Variants in TRMT11 observed in about 807,000 individuals in gnomAD.
The protein encoded by TRMT11 is tRNA methyltransferase 11.
In TRMT11, 53 loss-of-function variants were observed where a neutral mutation model predicts 62.8. The ratio of observed to expected loss-of-function variants is 0.84; its 90% CI spans 0.68 to 1.06. The LOEUF is 1.06. Among genes scored for constraint, TRMT11 ranks in the 50% least tolerant of loss-of-function variants. The pLI, the probability that TRMT11 is intolerant of heterozygous loss-of-function variation, is 0.00. For missense variants in TRMT11, 556 were observed against 553.4 expected (o/e 1.00, Z -0.05); for synonymous variants, 188 against 190.3 (o/e 0.99, Z 0.10).
intron 17 of TRMT11, among the ~76,000 whole-genome samples, chr6:126,077,215 A>C (rs572584921): frequency 5.3e-5 from 8 of 152,324 alleles, no homozygotes; most frequent in African/African-American, 1.9e-4. Flanking sequence ...CAATGGGCTG[A>C]TTAATTATTT....
At chr6:126,179,378 G>A (rs1302429204) in intron 1 of TRMT11, among the ~76,000 whole-genome samples, 2 of 152,146 alleles carry the variant, frequency 1.3e-5, no homozygotes, top group African/African-American at 4.8e-5. Context: ...GTTGGAAAGA[G>A]CATAGTTATA....
intron 17 of TRMT11, among the ~76,000 whole-genome samples, chr6:126,073,608 G>T (rs1776924697): frequency 6.6e-6 from 1 of 151,964 alleles, no homozygotes. Flanking sequence ...CATGTGACAT[G>T]AATATAAAAT....
intron 17 of TRMT11, among the ~76,000 whole-genome samples, chr6:126,102,343 AG>A (rs1404794035): frequency 6.6e-6 from 1 of 152,182 alleles, no homozygotes; most frequent in African/African-American, 2.4e-5. Context: ...CAAGACCTTA[AG>A]CAAAACACTT....
intron 21 of TRMT11, among the ~76,000 whole-genome samples, chr6:126,169,434 A>AG (rs1427265257): frequency 1.6e-4 from 25 of 152,240 alleles, no homozygotes; most frequent in Admixed American, 1.6e-3. Flanking sequence ...AATGGTGCTT[A>AG]GTGTTACCCA....
At chr6:126,158,431 G>A (rs7757001) in intron 21 of TRMT11, among the ~76,000 whole-genome samples, 48,947 of 152,036 alleles carry the variant, frequency 0.32, 9,157 homozygotes, top group African/African-American at 0.52. Context: ...CAATATCTTT[G>A]GCAATACTAG....
chr6:125,998,785 G>C, intron 6 of TRMT11, 101 bp downstream of exon 6: 1 of 1,114,256 alleles, frequency 9.0e-7, no homozygotes, highest in South Asian at 1.6e-5. Flanking sequence ...CAGCTGAAGA[G>C]TCAGAACTAC....
At chr6:126,076,655 TAAA>T (rs1777032435) in intron 17 of TRMT11, among the ~76,000 whole-genome samples, 1 of 152,192 alleles carries the variant, frequency 6.6e-6, no homozygotes, top group Non-Finnish European at 1.5e-5. Flanking sequence ...ACCCATTGCC[TAAA>T]AAAGTACTGA....
chr6:126,222,381 T>C, the TRMT11 span, among the ~76,000 whole-genome samples: 1 of 152,184 alleles, frequency 6.6e-6, no homozygotes, highest in Admixed American at 6.5e-5. Flanking sequence ...AAAAATAGCA[T>C]TGAATCTGTA....
At chr6:126,228,929 C>G in the TRMT11 span, among the ~76,000 whole-genome samples, 1 of 151,934 alleles carries the variant, frequency 6.6e-6, no homozygotes, top group Non-Finnish European at 1.5e-5. Context: ...TGGTCTGTTT[C>G]GATATTCAAA....
intron 21 of TRMT11, among the ~76,000 whole-genome samples, chr6:126,117,721 GAAAC>G (rs1425230125): frequency 1.3e-5 from 2 of 152,088 alleles, no homozygotes; most frequent in Admixed American, 6.6e-5. Flanking sequence ...GGAAAACAAG[GAAAC>G]AAACAAAGGC....
chr6:126,022,588 A>G (rs1392425193), intron 12 of TRMT11, among the ~76,000 whole-genome samples: 2 of 152,166 alleles, frequency 1.3e-5, no homozygotes, highest in Non-Finnish European at 2.9e-5. Flanking sequence ...CCGCTAGTTT[A>G]TATGTTGAAT....
At chr6:126,131,714 A>T (rs903786801) in intron 21 of TRMT11, among the ~76,000 whole-genome samples, 1 of 151,934 alleles carries the variant, frequency 6.6e-6, no homozygotes, top group Non-Finnish European at 1.5e-5. Context: ...AATTTATATA[A>T]TTTTTTTAGA....
chr6:126,018,775 A>T (rs1181402957), intron 11 of TRMT11, among the ~76,000 whole-genome samples: 1 of 152,234 alleles, frequency 6.6e-6, no homozygotes, highest in African/African-American at 2.4e-5. Flanking sequence ...GTACTGTCAT[A>T]ATGGTCCAGG....
At chr6:125,992,467 T>C (rs1415568519) in intron 1 of TRMT11, among the ~76,000 whole-genome samples, 1 of 152,244 alleles carries the variant, frequency 6.6e-6, no homozygotes, top group African/African-American at 2.4e-5. Context: ...TTTTAAGTGC[T>C]ATAACTCTAT....
intron 21 of TRMT11, among the ~76,000 whole-genome samples, chr6:126,125,800 G>T (rs1264683093): frequency 1.3e-5 from 2 of 152,030 alleles, no homozygotes; most frequent in Admixed American, 6.6e-5. Flanking sequence ...TAAATATTGG[G>T]CAGTAACTTA....
At chr6:126,242,854 C>G in the TRMT11 span, among the ~76,000 whole-genome samples, 2 of 152,070 alleles carry the variant, frequency 1.3e-5, no homozygotes, top group Non-Finnish European at 2.9e-5. Context: ...TAGGCAATAC[C>G]ATTCAGGACA....
chr6:126,030,947 G>A (rs1191789997), intron 12 of TRMT11, among the ~76,000 whole-genome samples: 1 of 152,100 alleles, frequency 6.6e-6, no homozygotes, highest in Non-Finnish European at 1.5e-5. Context: ...GGCAATGAAG[G>A]GACACCAGGA....
chr6:126,095,738 G>A lies in TRMT11; in HGVS notation c.*1438-17128G>A, dbSNP rs75069249. ...AAGGTATGAACAGAATGTAATGGAA[G>A]CAACTAACTATGCTGGGCCCAGGTC... On this transcript the variant is annotated intron_variant and NMD_transcript_variant, in intron 17 of 22. Transcript: ENST00000648977. Among the ~76,000 whole-genome samples the A allele has an allele frequency of 6.6e-3, 1,005 of 152,236 alleles. 11 individuals are homozygous for A. Among genetic ancestry groups the A allele is most frequent in the African/African-American group, 0.023 (951 of 41,524 alleles).
At chr6:126,098,165 G>A (rs946717528) in intron 17 of TRMT11, among the ~76,000 whole-genome samples, 1 of 152,008 alleles carries the variant, frequency 6.6e-6, no homozygotes, top group Non-Finnish European at 1.5e-5. Context: ...CTAAGTTTGA[G>A]GTACTTACTG....
Sources: gnomAD v4.1 joint callset for allele counts (sites outside exome capture counted in the v4.1 genomes callset) on GRCh38, gnomAD v4.1.1 for gene constraint, MANE v1.5 for transcripts, NCBI Gene and HGNC (gene_info 2026-07-23, HGNC 2026-07-21) for gene names.